The following NPSR1 variants were observed in gnomAD, a reference collection of about 807,000 sequenced individuals.
The protein encoded by NPSR1 is neuropeptide S receptor 1.
In NPSR1, 48 loss-of-function variants were observed where a neutral mutation model predicts 46.9. The ratio of observed to expected loss-of-function variants is 1.02; its 90% CI spans 0.81 to 1.30. NPSR1 has a LOEUF of 1.30. Ranked by LOEUF, NPSR1 falls within the 50% of genes most tolerant of loss-of-function variation. The pLI, the probability that NPSR1 is intolerant of heterozygous loss-of-function variation, is 0.00. For synonymous variants in NPSR1, 176 were observed against 168.1 expected, an observed-to-expected ratio of 1.05 and a Z score of -0.36; for missense variants, 450 against 449.5, an observed-to-expected ratio of 1.00 and a Z score of -0.01.
chr7:34,865,562 C>T (rs543904275), intron 8 of NPSR1, among the ~76,000 whole-genome samples: 3 of 151,934 alleles, frequency 2.0e-5, no homozygotes, highest in Middle Eastern at 3.4e-3. Context: ...CAGCTCCCCA[C>T]TGAAAATGTG....
intron 7 of NPSR1, 138 bp downstream of exon 7, chr7:34,845,120 T>C: frequency 1.5e-6 from 1 of 682,426 alleles, no homozygotes; most frequent in East Asian, 2.7e-5. Flanking sequence ...TGTGTGAAAC[T>C]CATCAGCCCA....
At position 34,738,080 on chromosome 7, in the gene NPSR1, T is replaced by C. The variant is rs532232839; in HGVS notation, c.281-40382T>C. ...AAAGGATAAATAAATAAATGGGAAA[T>C]TGGAGCATTATGGTTGAAGGCCAGG... On this transcript the variant is annotated intron_variant, in intron 2 of 8. Coordinates refer to ENST00000360581, the MANE Select transcript of NPSR1 (RefSeq NM_207172.2). Among the ~76,000 whole-genome samples, 79 of 152,310 alleles carry C rather than the reference T, an allele frequency of 5.2e-4. No individual in the cohort carries two copies. In the South Asian group the frequency reaches 0.015, roughly 29 times the overall value.
intron 1 of NPSR1, among the ~76,000 whole-genome samples, chr7:34,663,067 C>CTCTCTCTCTCTGTGTGTGTGTGTG (rs35826710): frequency 6.6e-4 from 66 of 99,420 alleles, no homozygotes; most frequent in African/African-American, 1.8e-3. Flanking sequence ...CTCTCTCTCT[C>CTCTCTCTCTCTGTGTGTGTGTGTG]TGTGTGTGTG....
chr7:34,680,568 G>T (rs1562647051), intron 1 of NPSR1, among the ~76,000 whole-genome samples: 1 of 152,078 alleles, frequency 6.6e-6, no homozygotes, highest in Non-Finnish European at 1.5e-5. Context: ...AAAAAGTACG[G>T]TACCCTATAG....
chr7:34,844,467 T>C (rs989162170), intron 6 of NPSR1, among the ~76,000 whole-genome samples: 10 of 152,146 alleles, frequency 6.6e-5, no homozygotes, highest in Admixed American at 2.0e-4. Context: ...TGTTTTTTTT[T>C]TGATGAATGT....
At chr7:34,821,705 G>C (rs1789567154) in intron 4 of NPSR1, among the ~76,000 whole-genome samples, 1 of 152,136 alleles carries the variant, frequency 6.6e-6, no homozygotes. Flanking sequence ...AATATGTCTA[G>C]TTCTGGGAGA....
intron 4 of NPSR1, among the ~76,000 whole-genome samples, chr7:34,817,771 A>G (rs1017315555): frequency 1.3e-5 from 2 of 152,190 alleles, no homozygotes; most frequent in African/African-American, 4.8e-5. Flanking sequence ...AACATATGCA[A>G]ATTGATAAAC....
chr7:34,823,383 G>A (rs1419342343), intron 4 of NPSR1, among the ~76,000 whole-genome samples: 1 of 82,028 alleles, frequency 1.2e-5, no homozygotes, highest in Non-Finnish European at 2.5e-5. Flanking sequence ...ATTGGCAACA[G>A]AGCAAGACTT....
chr7:34,703,352 C>T (rs1793941257), intron 2 of NPSR1, among the ~76,000 whole-genome samples: 1 of 151,876 alleles, frequency 6.6e-6, no homozygotes, highest in South Asian at 2.1e-4. Flanking sequence ...GCCTGGGTGA[C>T]AGAGCAAGAC....
intron 1 of NPSR1, among the ~76,000 whole-genome samples, chr7:34,683,498 G>T (rs550430203): frequency 7.9e-4 from 120 of 151,836 alleles, no homozygotes; most frequent in African/African-American, 2.7e-3. Flanking sequence ...TAGCATTCTC[G>T]CTTTTTTCTT....
downstream of NPSR1, among the ~76,000 whole-genome samples, chr7:34,851,761 A>C (rs1790939633): frequency 6.6e-6 from 1 of 152,192 alleles, no homozygotes; most frequent in African/African-American, 2.4e-5. Flanking sequence ...TAGAGTCTCA[A>C]AGTGAAGGAG....
intron 1 of NPSR1, among the ~76,000 whole-genome samples, chr7:34,677,135 T>C (rs1792358723): frequency 6.6e-6 from 1 of 152,186 alleles, no homozygotes; most frequent in African/African-American, 2.4e-5. Flanking sequence ...CTTCCAACAA[T>C]GCAGATCTGA....
downstream of NPSR1, among the ~76,000 whole-genome samples, chr7:34,852,414 C>G (rs967770994): frequency 6.6e-6 from 1 of 152,004 alleles, no homozygotes; most frequent in Non-Finnish European, 1.5e-5. Flanking sequence ...CATTTCACAC[C>G]TCTGGGCATT....
chr7:34,794,570 C>G (rs916676246), intron 3 of NPSR1, among the ~76,000 whole-genome samples: 5 of 152,060 alleles, frequency 3.3e-5, no homozygotes, highest in African/African-American at 9.7e-5. Context: ...CAGAAAGCAT[C>G]AAGCCCAGAT....
intron 3 of NPSR1, among the ~76,000 whole-genome samples, chr7:34,790,171 C>A (rs1181378511): frequency 1.3e-5 from 2 of 152,012 alleles, no homozygotes; most frequent in Non-Finnish European, 2.9e-5. Context: ...ATATTATTCA[C>A]CATGATTAAG....
At position 34,730,064 on chromosome 7, in the gene NPSR1, G is replaced by T. The variant is rs34368766; in HGVS notation, c.280+45380G>T. 9.3e-4 allele frequency among the ~76,000 whole-genome samples: 142 copies of T among 152,332 alleles called. 1 individual carries two copies. The highest frequency in any genetic ancestry group is 3.3e-3 in the African/African-American group (139 of 41,576). On this transcript the variant is annotated intron_variant, in intron 2 of 8. Transcript: ENST00000360581. The stretch of plus-strand genomic sequence containing the variant: ...GCTGGGATTACAGACATGAGCCACC[G>T]TGCCTGGTCATGAATAAATTTTAAA...
chr7:34,762,148 G>A (rs534805982), intron 2 of NPSR1, among the ~76,000 whole-genome samples: 2 of 152,228 alleles, frequency 1.3e-5, no homozygotes, highest in South Asian at 2.1e-4. Context: ...AGACACTAGC[G>A]GCATTTGTAA....
At chr7:34,780,774 C>T (rs984090431) in intron 3 of NPSR1, among the ~76,000 whole-genome samples, 2 of 152,108 alleles carry the variant, frequency 1.3e-5, no homozygotes, top group African/African-American at 4.8e-5. Context: ...CAAGAAATTG[C>T]CATTATTTGA....
intron 4 of NPSR1, among the ~76,000 whole-genome samples, chr7:34,822,992 A>C (rs1398641829): frequency 6.6e-6 from 1 of 152,248 alleles, no homozygotes; most frequent in Non-Finnish European, 1.5e-5. Flanking sequence ...TTTATGTAAC[A>C]GGCAAAGAAA....
Sources: gnomAD v4.1 joint callset for allele counts (sites outside exome capture counted in the v4.1 genomes callset) on GRCh38, gnomAD v4.1.1 for gene constraint, MANE v1.5 for transcripts, NCBI Gene and HGNC (gene_info 2026-07-23, HGNC 2026-07-21) for gene names.